POLR1C: variants seen among roughly 807,000 people sequenced by gnomAD.
POLR1C encodes the protein DNA-directed RNA polymerases I and III subunit RPAC1.
A neutral mutation model predicts 38.3 loss-of-function variants in POLR1C; 42 were observed. That is an observed-to-expected ratio of 1.10 (90% CI 0.86 to 1.42). The LOEUF (loss-of-function observed/expected upper bound fraction) is 1.42, where lower values mean the gene tolerates loss of function less well. Ranked by LOEUF, POLR1C falls within the 40% of genes most tolerant of loss-of-function variation. The pLI is 0.00. For missense variants in POLR1C, 507 were observed against 450.5 expected (o/e 1.13, Z -1.14); for synonymous variants, 163 against 163.9 (o/e 0.99, Z 0.04).
intron 2 of POLR1C, among the ~76,000 whole-genome samples, chr6:43,517,650 G>C (rs1177728053): frequency 6.6e-6 from 1 of 152,104 alleles, no homozygotes; most frequent in Admixed American, 6.5e-5. Flanking sequence ...CGGCAGGGTT[G>C]GGGTGGGGAG....
At chr6:43,540,063 C>T (rs1285562077) in intron 9 of POLR1C, among the ~76,000 whole-genome samples, 1 of 152,160 alleles carries the variant, frequency 6.6e-6, no homozygotes, top group African/African-American at 2.4e-5. Context: ...GAGAACCAGC[C>T]TGGCCAACAT....
At chr6:43,555,776 A>G (rs1762048604) in intron 10 of POLR1C, 1 of 1,601,500 alleles carries the variant, frequency 6.2e-7, no homozygotes, top group Non-Finnish European at 8.5e-7. Context: ...CTCATTTCCT[A>G]TATATAGTTT....
At chr6:43,528,667 C>A (rs1334044768) in intron 8 of POLR1C, among the ~76,000 whole-genome samples, 2 of 152,104 alleles carry the variant, frequency 1.3e-5, no homozygotes. Flanking sequence ...GGGGGCTGCT[C>A]GATCCTACAG....
chr6:43,540,636 A>G (rs1470932567), intron 9 of POLR1C, among the ~76,000 whole-genome samples: 1 of 152,116 alleles, frequency 6.6e-6, no homozygotes. Context: ...CTGGGCAACA[A>G]GAGTGACACT....
At chr6:43,557,153 G>A (rs1762134372) in intron 10 of POLR1C, among the ~76,000 whole-genome samples, 1 of 137,378 alleles carries the variant, frequency 7.3e-6, no homozygotes, top group Non-Finnish European at 1.6e-5. Flanking sequence ...AAGGCTGGGT[G>A]TGGTGGCTTA....
intron 10 of POLR1C, chr6:43,558,654 C>T (rs1762243677): frequency 5.5e-6 from 7 of 1,275,322 alleles, no homozygotes; most frequent in Middle Eastern, 1.9e-4. Context: ...AGTTTTTAAG[C>T]TTCAGGAGTT....
At chr6:43,527,843 G>A (rs775132397) in intron 8 of POLR1C, 122 of 1,146,762 alleles carry the variant, frequency 1.1e-4, no homozygotes, top group Non-Finnish European at 1.2e-4. Flanking sequence ...TTGGGTCTTC[G>A]TTTTATGCAA....
At chr6:43,539,561 C>T (rs1203307411) in intron 9 of POLR1C, 22 of 1,375,166 alleles carry the variant, frequency 1.6e-5, no homozygotes, top group East Asian at 4.6e-5. Context: ...GCGAGCTCCG[C>T]GGCCTCAGCC....
chr6:43,526,545 G>A lies in POLR1C; in HGVS notation c.923-2704G>A, dbSNP rs1793603427. 5 of 920,504 alleles carry A rather than the reference G, an allele frequency of 5.4e-6. No individual in the cohort carries two copies. In the South Asian group the frequency reaches 7.6e-5, roughly 14 times the overall value. 57.0% of individuals were successfully genotyped at this position (920,504 alleles called of 1,614,324 possible). A position where few individuals can be genotyped will look rare whatever the true frequency, so the allele number is the denominator to read the frequency against. On this transcript the variant is annotated intron_variant, in intron 8 of 8. Transcript: ENST00000304004. ...GGTGGGAGTATGATGGAGGCACACA[G>A]CAAGAGGGCTGGTCCAGAGATGATA... is the stretch of plus-strand genomic sequence containing the variant.
chr6:43,553,196 G>A (rs1030148136), intron 10 of POLR1C, among the ~76,000 whole-genome samples: 4 of 152,200 alleles, frequency 2.6e-5, no homozygotes, highest in Admixed American at 1.3e-4. Flanking sequence ...TAGATCCTCA[G>A]GAGCCTGAGG....
At chr6:43,542,888 T>C (rs1208520447) in intron 9 of POLR1C, among the ~76,000 whole-genome samples, 1 of 152,174 alleles carries the variant, frequency 6.6e-6, no homozygotes, top group African/African-American at 2.4e-5. Context: ...AGAAATTATA[T>C]ATATATGTTC....
At chr6:43,559,400 G>C (rs1762290289) in intron 10 of POLR1C, among the ~76,000 whole-genome samples, 1 of 152,188 alleles carries the variant, frequency 6.6e-6, no homozygotes, top group Admixed American at 6.5e-5. Flanking sequence ...TACAAATTGA[G>C]ATTAACAATC....
chr6:43,554,266 C>T (rs578124399), intron 10 of POLR1C, among the ~76,000 whole-genome samples: 36 of 151,860 alleles, frequency 2.4e-4, no homozygotes, highest in Middle Eastern at 3.4e-3. Flanking sequence ...CCACCATGCC[C>T]GGCTAATTTT....
chr6:43,545,137 T>C (rs1368837722), intron 9 of POLR1C, among the ~76,000 whole-genome samples: 1 of 151,982 alleles, frequency 6.6e-6, no homozygotes, highest in African/African-American at 2.4e-5. Flanking sequence ...CCTCCCAAAG[T>C]GCTGGGATTA....
chr6:43,517,708 A>T (rs1176571041), intron 2 of POLR1C, among the ~76,000 whole-genome samples: 2 of 152,124 alleles, frequency 1.3e-5, no homozygotes, highest in Non-Finnish European at 2.9e-5. Flanking sequence ...TTAACATTTC[A>T]AGAGGAGGGT....
chr6:43,527,376 A>C (rs185530994), intron 8 of POLR1C: 84 of 300,926 alleles, frequency 2.8e-4, no homozygotes, highest in African/African-American at 1.8e-3. Context: ...GGTTCAAGCG[A>C]TTCTCCTACC....
At chr6:43,525,092 G>A, downstream of POLR1C, 1 of 1,569,850 alleles carries the variant, frequency 6.4e-7, no homozygotes, top group Non-Finnish European at 8.6e-7. Flanking sequence ...AGGGAAAAGG[G>A]GTGAATAACC....
chr6:43,551,147 T>C (rs1582225693), intron 10 of POLR1C: 2 of 719,466 alleles, frequency 2.8e-6, no homozygotes, highest in East Asian at 3.0e-5. Flanking sequence ...TCTCAGCTAC[T>C]CAGAAGGGTG....
At chr6:43,533,911 TA>T, downstream of POLR1C, 1 of 1,599,036 alleles carries the variant, frequency 6.3e-7, no homozygotes, top group Non-Finnish European at 8.5e-7. Flanking sequence ...TCTTACCTAA[TA>T]TAGCAGATTT....
Sources: allele counts gnomAD v4.1 joint callset (sites outside exome capture counted in the v4.1 genomes callset), GRCh38; gene constraint gnomAD v4.1.1; transcripts MANE v1.5; gene names NCBI Gene and HGNC (gene_info 2026-07-23, HGNC 2026-07-21).